The following LAMA1 variants were observed in gnomAD, a reference collection of about 807,000 sequenced individuals.
LAMA1 encodes the protein laminin subunit alpha-1.
A neutral mutation model predicts 348.7 loss-of-function variants in LAMA1; 219 were observed. The observed-to-expected ratio is 0.63, with a 90% CI of 0.56 to 0.70. The LOEUF (loss-of-function observed/expected upper bound fraction) is 0.70. Ranked by LOEUF, LAMA1 falls within the 30% of genes least tolerant of loss-of-function variation. LAMA1 has a pLI of 0.00. For missense variants in LAMA1, 3,744 were observed against 3,888.0 expected (o/e 0.96, Z 0.99); for synonymous variants, 1,487 against 1,491.0 (o/e 1.00, Z 0.06).
In LAMA1 at chr18:7,044,813, A is replaced by G. The variant is rs2144190269; in HGVS notation, c.885T>C (p.Asn295=). 1.2e-6 allele frequency: 2 copies of G among 1,614,164 alleles called. No individual in the cohort carries two copies. The highest frequency in any genetic ancestry group is 1.7e-6 in the Non-Finnish European group (2 of 1,179,992). Residue 295 remains asparagine, a synonymous_variant, in exon 7 of 63, where the codon AAT becomes AAC. Coordinates refer to ENST00000389658, the MANE Select transcript of LAMA1 (RefSeq NM_005559.4). ...TKKLQCQCEH[N]TCGESCNRCC... is the part of the protein sequence containing the mutation. ...ACCTGTTACAGCTCTCCCCGCAAGTATTATGCTCACATTGACACTGCAGTT... is the reference window on the plus strand; with the variant it reads ...ACCTGTTACAGCTCTCCCCGCAAGTGTTATGCTCACATTGACACTGCAGTT...
intron 57 of LAMA1, chr18:6,953,695 T>A (rs535819510): frequency 6.6e-6 from 1 of 152,360 alleles, no homozygotes; most frequent in South Asian, 2.1e-4. Context: ...TAACAATTCC[T>A]TCCTCATAGG....
chr18:7,069,534 C>T (rs1046945755), intron 3 of LAMA1, among the ~76,000 whole-genome samples: 1 of 152,196 alleles, frequency 6.6e-6, no homozygotes, highest in Non-Finnish European at 1.5e-5. Context: ...TCTCTGCCAA[C>T]CTGAGTGACT....
At chr18:7,084,885 TA>T (rs1291928065) in intron 1 of LAMA1, among the ~76,000 whole-genome samples, 2 of 152,344 alleles carry the variant, frequency 1.3e-5, no homozygotes, top group East Asian at 3.9e-4. Flanking sequence ...TTCCCTGTCT[TA>T]AAACCAAAGC....
chr18:6,971,605 A>G (rs1231214437), intron 48 of LAMA1, among the ~76,000 whole-genome samples: 3 of 152,184 alleles, frequency 2.0e-5, no homozygotes, highest in Non-Finnish European at 4.4e-5. Flanking sequence ...TAACTAATCT[A>G]CATTATATCA....
At chr18:7,034,751 A>C (rs1045917239) in intron 13 of LAMA1, 61 bp from the exon 14 acceptor site, 6 of 1,513,722 alleles carry the variant, frequency 4.0e-6, no homozygotes, top group Non-Finnish European at 5.4e-6. Context: ...AAATAAAAAT[A>C]AAATCAAATT....
chr18:6,958,342 A>C, intron 55 of LAMA1, 135 bp downstream of exon 55: 1 of 846,362 alleles, frequency 1.2e-6, no homozygotes, highest in East Asian at 2.5e-5. Context: ...ATGATAGAAC[A>C]ATGGGGTTCA....
intron 45 of LAMA1, among the ~76,000 whole-genome samples, chr18:6,975,313 G>T (rs1190120600): frequency 6.6e-6 from 1 of 152,122 alleles, no homozygotes; most frequent in Non-Finnish European, 1.5e-5. Context: ...ATTCGCTGCA[G>T]GTCACAGGCA....
At chr18:6,942,339 T>G (rs1027839409) in intron 62 of LAMA1, 100 bp from the exon 63 acceptor site, 8 of 1,276,836 alleles carry the variant, frequency 6.3e-6, no homozygotes, top group Admixed American at 4.6e-5. Flanking sequence ...GTTTTTTTAT[T>G]TTTTAAATTT....
intron 42 of LAMA1, among the ~76,000 whole-genome samples, chr18:6,979,823 CG>C (rs1555647369): frequency 6.6e-6 from 1 of 151,964 alleles, no homozygotes; most frequent in African/African-American, 2.4e-5. Flanking sequence ...GGTGTGAACC[CG>C]GGGGGCGGAG....
intron 3 of LAMA1, among the ~76,000 whole-genome samples, chr18:7,052,563 C>T (rs1276108477): frequency 1.3e-5 from 2 of 151,686 alleles, no homozygotes; most frequent in African/African-American, 2.4e-5. Flanking sequence ...CACACCTCTA[C>T]TAAATACAAA....
At position 7,037,582 on chromosome 18, in the gene LAMA1, T is replaced by C. The variant is rs1380054888; in HGVS notation, c.1733A>G (p.Asn578Ser). 3.1e-6 allele frequency: 5 copies of C among 1,614,008 alleles called. No individual in the cohort carries two copies. Among genetic ancestry groups the C allele is most frequent in the Admixed American group, 3.3e-5 (2 of 59,998 alleles). ...TACCTGCAGGGTCACACGCACCTTA[T>C]TTCCAAGGTAGGCCTCGGGGGCTGC... ...YWAAPEAYLG[N>S]KLTAFGGFLK... The change falls in exon 12 of 63, where the codon AAT (asparagine) becomes AGT (serine). Residue 578 changes from asparagine to serine, a missense_variant. Coordinates refer to ENST00000389658, the MANE Select transcript of LAMA1 (RefSeq NM_005559.4).
At chr18:7,074,967 C>CAAAAAAAAA (rs773818069) in intron 3 of LAMA1, among the ~76,000 whole-genome samples, 3 of 52,268 alleles carry the variant, frequency 5.7e-5, no homozygotes, top group Non-Finnish European at 9.9e-5. Context: ...TACATAGAGG[C>CAAAAAAAAA]AAAAAAAAAA....
intron 42 of LAMA1, among the ~76,000 whole-genome samples, chr18:6,978,696 G>C (rs1284648788): frequency 2.6e-5 from 4 of 152,154 alleles, no homozygotes; most frequent in African/African-American, 9.7e-5. Flanking sequence ...AAAAGTAATG[G>C]CCAATCGCTG....
chr18:6,959,521 G>A (rs780589442), intron 53 of LAMA1, 29 bp from the exon 54 acceptor site: 1 of 1,613,122 alleles, frequency 6.2e-7, no homozygotes, highest in Non-Finnish European at 8.5e-7. Flanking sequence ...GAATTTCCCA[G>A]ACAAAACACA....
chr18:7,080,375 C>G lies in LAMA1; in HGVS notation c.144G>C (p.Met48Ile). The change falls in exon 2 of 63, where the codon ATG becomes ATC. Residue 48 changes from methionine to isoleucine, a missense_variant. Met to Ile is a conservative substitution (Grantham distance 10). Transcript: ENST00000389658. Reference sequence around the variant, plus strand: ...GCACATGCTCCACAAGTTTGCAGAACATCTCCGGCCCCTTCTCGCCACAGG... The same window carrying G: ...GCACATGCTCCACAAGTTTGCAGAAGATCTCCGGCCCCTTCTCGCCACAGG... ...NATCGEKGPE[M>I]FCKLVEHVPG... 1 of 1,614,260 alleles carries G rather than the reference C, an allele frequency of 6.2e-7. No individual in the cohort carries two copies. The highest frequency in any genetic ancestry group is 8.5e-7 in the Non-Finnish European group (1 of 1,180,044).
At chr18:7,094,250 C>T (rs2058251277) in intron 1 of LAMA1, among the ~76,000 whole-genome samples, 1 of 151,802 alleles carries the variant, frequency 6.6e-6, no homozygotes, top group African/African-American at 2.4e-5. Context: ...CAGTGAAACC[C>T]TGTCTCTATT....
chr18:7,112,045 T>A (rs1306038696), intron 1 of LAMA1, among the ~76,000 whole-genome samples: 6 of 151,882 alleles, frequency 4.0e-5, no homozygotes, highest in African/African-American at 1.5e-4. Context: ...CTTCTCTATA[T>A]CATAAATCTT....
chr18:7,013,319 C>T (rs922519239), intron 23 of LAMA1, among the ~76,000 whole-genome samples: 1 of 152,080 alleles, frequency 6.6e-6, no homozygotes, highest in South Asian at 2.1e-4. Flanking sequence ...GGGAAAAGGA[C>T]CAGAGGAGGT....
In LAMA1 at chr18:7,058,249, G is replaced by T. The variant is rs79504274; in HGVS notation, c.346-7313C>A. 8.6e-3 allele frequency among the ~76,000 whole-genome samples: 1,308 copies of T among 152,274 alleles called. 18 individuals are homozygous for T. The highest frequency in any genetic ancestry group is 0.027 in the African/African-American group (1,124 of 41,558). On this transcript the variant is annotated intron_variant, in intron 3 of 62. Transcript: ENST00000389658. ...ACTTCAGGACAAGCTCTCAAGGGAG[G>T]AGTTACTTAACTTTTATCTTGATCA...
Sources: allele counts gnomAD v4.1 joint callset (sites outside exome capture counted in the v4.1 genomes callset), GRCh38; gene constraint gnomAD v4.1.1; transcripts MANE v1.5; gene names NCBI Gene and HGNC (gene_info 2026-07-23, HGNC 2026-07-21).